SLC26A4: variants seen among roughly 807,000 people sequenced by gnomAD.
The protein encoded by SLC26A4 is solute carrier family 26 member 4.
SLC26A4 carries 93 observed loss-of-function variants against 90.4 expected under a neutral mutation model. The observed-to-expected ratio is 1.03, with a 90% CI of 0.87 to 1.22. The LOEUF is 1.22. Ranked by LOEUF, SLC26A4 falls within the 50% of genes most tolerant of loss-of-function variation. The probability of loss-of-function intolerance (pLI) is 0.00; values close to 1 mark genes in which losing one functional copy is unlikely to be tolerated. For missense variants in SLC26A4, 1,127 were observed against 946.2 expected, an observed-to-expected ratio of 1.19 and a Z score of -2.51; for synonymous variants, 393 against 354.6, an observed-to-expected ratio of 1.11 and a Z score of -1.22.
chr7:107,666,762 T>C (rs568283553), intron 3 of SLC26A4, among the ~76,000 whole-genome samples: 1 of 152,142 alleles, frequency 6.6e-6, no homozygotes, highest in East Asian at 1.9e-4. Context: ...TGAAATAAAC[T>C]GAGGCAGGAC....
intron 20 of SLC26A4, among the ~76,000 whole-genome samples, chr7:107,713,551 A>C (rs903537889): frequency 1.3e-5 from 2 of 152,200 alleles, no homozygotes; most frequent in African/African-American, 4.8e-5. Flanking sequence ...AGTTCCTTCT[A>C]TTCCTTACAA....
intron 10 of SLC26A4, 89 bp from the exon 11 acceptor site, chr7:107,694,314 G>T: frequency 1.1e-6 from 1 of 946,366 alleles, no homozygotes; most frequent in Non-Finnish European, 1.7e-6. Flanking sequence ...GTGTGTCTGT[G>T]AACAGGCTGT....
At chr7:107,709,387 C>A (rs545475432) in intron 18 of SLC26A4, among the ~76,000 whole-genome samples, 5 of 152,352 alleles carry the variant, frequency 3.3e-5, no homozygotes, top group Admixed American at 2.6e-4. Flanking sequence ...ATCCTCCCAT[C>A]TCAGCCTCCT....
chr7:107,665,988 C>T (rs1790699906), intron 3 of SLC26A4, among the ~76,000 whole-genome samples: 2 of 152,154 alleles, frequency 1.3e-5, no homozygotes, highest in Non-Finnish European at 2.9e-5. Context: ...ATTTATCATT[C>T]ATTCACTTAA....
intron 14 of SLC26A4, 58 bp from the exon 15 acceptor site, chr7:107,700,025 T>C: frequency 2.0e-6 from 2 of 1,002,538 alleles, no homozygotes; most frequent in Non-Finnish European, 3.2e-6. Flanking sequence ...GCCAGAAATG[T>C]AATTAAATAC....
At chr7:107,675,677 G>A (rs1389016478) in intron 6 of SLC26A4, among the ~76,000 whole-genome samples, 3 of 150,650 alleles carry the variant, frequency 2.0e-5, no homozygotes, top group Non-Finnish European at 3.0e-5. Flanking sequence ...GGGTTCAAGC[G>A]ATTCTCCTGC....
At chr7:107,694,085 C>G (rs764010964) in intron 10 of SLC26A4, among the ~76,000 whole-genome samples, 1 of 152,136 alleles carries the variant, frequency 6.6e-6, no homozygotes, top group Non-Finnish European at 1.5e-5. Context: ...TAACTAGAAG[C>G]TTGGCCTGAA....
intron 18 of SLC26A4, among the ~76,000 whole-genome samples, chr7:107,704,966 A>G (rs1275153878): frequency 1.3e-5 from 2 of 152,152 alleles, no homozygotes; most frequent in South Asian, 2.1e-4. Context: ...GTCTAAAACA[A>G]TGGCCTTTTA....
At position 107,701,894 on chromosome 7, in the gene SLC26A4, T is replaced by C. The variant is rs1345776426; in HGVS notation, c.1871T>C (p.Leu624Pro). The C allele has an allele frequency of 3.3e-5, 54 of 1,613,570 alleles. No homozygotes were observed. The highest frequency in any genetic ancestry group is 4.5e-5 in the Non-Finnish European group (53 of 1,179,464). ...AFEPDEDIED[L>P]EELDIPTKEI... is the part of the protein sequence containing the mutation. ...GAGCCTGATGAGGATATTGAAGATCTGGAGGAACTTGATATCCCAACCAAG... is the reference window on the plus strand; with the variant it reads ...GAGCCTGATGAGGATATTGAAGATCCGGAGGAACTTGATATCCCAACCAAG... The change falls in exon 17 of 21, where the codon CTG (leucine) becomes CCG (proline). Residue 624 changes from leucine to proline, a missense_variant. By Grantham distance (98) the Leu-to-Pro change is moderately conservative (BLOSUM62 -3). Coordinates refer to ENST00000644269, the MANE Select transcript of SLC26A4 (RefSeq NM_000441.2).
At chr7:107,678,139 G>A (rs1011287931) in intron 6 of SLC26A4, among the ~76,000 whole-genome samples, 2 of 152,048 alleles carry the variant, frequency 1.3e-5, no homozygotes, top group African/African-American at 4.8e-5. Flanking sequence ...TGTAACTTTT[G>A]CAGCTCCTGG....
At position 107,686,281 on chromosome 7, in the gene SLC26A4, C is replaced by CCCTCCCTTCCCTCCCTTCCCTCCCTTT. The variant is rs1562830850; in HGVS notation, c.1001+2752_1001+2753insCCCTCCCTTCCCTCCCTTTCCTCCCTT. 7.9e-4 allele frequency among the ~76,000 whole-genome samples: 98 copies of CCCTCCCTTCCCTCCCTTCCCTCCCTTT among 124,636 alleles called. 2 individuals carry two copies. Among genetic ancestry groups the CCCTCCCTTCCCTCCCTTCCCTCCCTTT allele is most frequent in the African/African-American group, 2.9e-3 (94 of 32,920 alleles). The allele number at this position is 124,636 out of a possible 152,430, so 81.8% of individuals were successfully genotyped here. ...CTTTCTTCCCTTCCTTCCCTCCCTT[C>CCCTCCCTTCCCTCCCTTCCCTCCCTTT]CCTCCCTTTCCTACCTTCCCTCCCT... On this transcript the variant is annotated intron_variant, in intron 8 of 20. Coordinates refer to ENST00000644269, the MANE Select transcript of SLC26A4 (RefSeq NM_000441.2).
In SLC26A4 at chr7:107,701,148, G is replaced by A; in HGVS notation, c.1755G>A (p.Leu585=). The A allele has an allele frequency of 6.2e-7, 1 of 1,611,508 alleles. No homozygotes were observed. The highest frequency in any genetic ancestry group is 1.3e-5 in the African/African-American group (1 of 74,994). ...IRVYNKRLKA[L]RKIQKLIKSG... ...TATATAATAAGAGGCTGAAAGCGCT[G>A]AGGAAAATACAGAAACTAATAAAAA... Residue 585 remains leucine, a synonymous_variant, in exon 16 of 21, where the codon CTG becomes CTA. Coordinates refer to ENST00000644269, the MANE Select transcript of SLC26A4 (RefSeq NM_000441.2).
intron 19 of SLC26A4, among the ~76,000 whole-genome samples, chr7:107,711,186 G>T (rs1021694541): frequency 6.8e-5 from 10 of 146,376 alleles, no homozygotes; most frequent in African/African-American, 2.5e-4. Context: ...CAAATCTAAA[G>T]AAAAAAAAAC....
rs186332465 is a variant in SLC26A4 at position 107,666,465 on chromosome 7, G to T, written c.304+3030G>T. On this transcript the variant is annotated intron_variant, in intron 3 of 20. Coordinates refer to ENST00000644269, the MANE Select transcript of SLC26A4 (RefSeq NM_000441.2). ...TGGAACTCCTAGGCTCAAGTTATCT[G>T]CCTGCCTCGGCCTCCCAAAGTGCTG... Among the ~76,000 whole-genome samples, 886 of 152,260 alleles carry T rather than the reference G, an allele frequency of 5.8e-3. 6 individuals carry two copies. The highest frequency in any genetic ancestry group is 9.6e-3 in the Non-Finnish European group (653 of 68,006).
At chr7:107,693,293 G>A in intron 10 of SLC26A4, 1 of 985,392 alleles carries the variant, frequency 1.0e-6, no homozygotes, top group Non-Finnish European at 1.2e-6. Flanking sequence ...AAGCCAGCCA[G>A]ACATACAAAG....
rs768454870 is a variant in SLC26A4 at position 107,701,198 on chromosome 7, T to C, written c.1803+2T>C. 1.9e-6 allele frequency: 3 copies of C among 1,558,650 alleles called. No homozygotes were observed. The South Asian group carries it at 3.3e-5, about 17-fold the overall frequency. Reference sequence around the variant, plus strand: ...AGTGGACAATTAAGAGCAACAAAGGTGAGATGACATCTTTCTTTTCCCCCT... The same window carrying C: ...AGTGGACAATTAAGAGCAACAAAGGCGAGATGACATCTTTCTTTTCCCCCT... On this transcript the variant is annotated splice_donor_variant, in intron 16 of 20. Transcript: ENST00000644269. LOFTEE classifies it high-confidence loss of function.
At chr7:107,679,507 G>A (rs1014084732) in intron 6 of SLC26A4, among the ~76,000 whole-genome samples, 1 of 151,852 alleles carries the variant, frequency 6.6e-6, no homozygotes, top group African/African-American at 2.4e-5. Flanking sequence ...ACACATTATT[G>A]GGCATAATTT....
At chr7:107,668,845 A>G (rs1395378297) in intron 3 of SLC26A4, among the ~76,000 whole-genome samples, 3 of 152,202 alleles carry the variant, frequency 2.0e-5, no homozygotes, top group Non-Finnish European at 4.4e-5. Flanking sequence ...AAGAAATTTA[A>G]ATTTAATATA....
At chr7:107,693,810 G>A (rs1487303966) in intron 10 of SLC26A4, 1 of 646,634 alleles carries the variant, frequency 1.5e-6, no homozygotes, top group Non-Finnish European at 2.0e-6. Context: ...AACTGTCAGA[G>A]GAGGCAGGAG....
Sources: gnomAD v4.1 joint callset for allele counts (sites outside exome capture counted in the v4.1 genomes callset) on GRCh38, gnomAD v4.1.1 for gene constraint, MANE v1.5 for transcripts, NCBI Gene and HGNC (gene_info 2026-07-23, HGNC 2026-07-21) for gene names.